Variants in DCC observed in about 807,000 individuals in gnomAD.
DCC encodes DCC netrin 1 receptor, also known as netrin receptor DCC.
In DCC, 58 loss-of-function variants were observed where a neutral mutation model predicts 172.5. That is an observed-to-expected ratio of 0.34 (90% CI 0.27 to 0.42). The LOEUF is 0.42. DCC is among the 10% of genes least tolerant of loss of function. The pLI is 1.00. For synonymous variants in DCC, 709 were observed against 644.5 expected (o/e 1.10, Z -1.52); for missense variants, 1,740 against 1,791.0 (o/e 0.97, Z 0.51).
chr18:53,465,659 C>A (rs187621435), intron 24 of DCC, among the ~76,000 whole-genome samples: 1 of 152,122 alleles, frequency 6.6e-6, no homozygotes, highest in Admixed American at 6.6e-5. Flanking sequence ...GCCAATAATT[C>A]TTTAAATATT....
chr18:53,393,534 T>C (rs1198880269), intron 17 of DCC, among the ~76,000 whole-genome samples: 1 of 152,186 alleles, frequency 6.6e-6, no homozygotes, highest in Non-Finnish European at 1.5e-5. Context: ...CATTAAAGAA[T>C]GTCTCTTTTT....
At chr18:53,293,161 G>A (rs976662457) in intron 12 of DCC, among the ~76,000 whole-genome samples, 7 of 152,116 alleles carry the variant, frequency 4.6e-5, no homozygotes, top group African/African-American at 1.7e-4. Flanking sequence ...CTGTCACTTA[G>A]CAAATTAATG....
intron 2 of DCC, among the ~76,000 whole-genome samples, chr18:52,887,711 T>C (rs2039589423): frequency 1.3e-5 from 2 of 152,196 alleles, no homozygotes; most frequent in African/African-American, 4.8e-5. Context: ...AGATATTTTT[T>C]CCCTCAAAAT....
chr18:53,435,476 A>G (rs1227285084), intron 22 of DCC, among the ~76,000 whole-genome samples: 1 of 152,204 alleles, frequency 6.6e-6, no homozygotes, highest in Non-Finnish European at 1.5e-5. Flanking sequence ...CCCAGCATGG[A>G]GCACTTTGTA....
intron 5 of DCC, among the ~76,000 whole-genome samples, chr18:53,025,211 A>G (rs1304597579): frequency 6.6e-6 from 1 of 152,158 alleles, no homozygotes; most frequent in Non-Finnish European, 1.5e-5. Context: ...TTCGTGAAAA[A>G]TAGCTATTTA....
intron 7 of DCC, among the ~76,000 whole-genome samples, chr18:53,074,790 A>G (rs1172335663): frequency 6.6e-6 from 1 of 151,998 alleles, no homozygotes; most frequent in Non-Finnish European, 1.5e-5. Flanking sequence ...TCATTTCTAC[A>G]CTCTTATCCA....
chr18:53,359,709 C>A (rs1042306308), intron 15 of DCC, among the ~76,000 whole-genome samples: 17 of 152,024 alleles, frequency 1.1e-4, no homozygotes, highest in African/African-American at 4.1e-4. Flanking sequence ...TTAATTAATC[C>A]TAGTTAGCCC....
chr18:53,075,511 CT>C (rs1487954495), intron 7 of DCC, among the ~76,000 whole-genome samples: 2 of 150,128 alleles, frequency 1.3e-5, no homozygotes, highest in Admixed American at 1.3e-4. Context: ...TCACATCATA[CT>C]TCAGTGGTAA....
chr18:52,955,315 T>C (rs541530337), intron 5 of DCC, among the ~76,000 whole-genome samples: 14 of 152,282 alleles, frequency 9.2e-5, no homozygotes, highest in African/African-American at 3.1e-4. Context: ...ATACAGTATG[T>C]AGCCTTTTAA....
chr18:52,652,900 C>T (rs980631550), intron 1 of DCC, among the ~76,000 whole-genome samples: 1 of 151,992 alleles, frequency 6.6e-6, no homozygotes, highest in Non-Finnish European at 1.5e-5. Flanking sequence ...AGCTTTCCCC[C>T]ACCAGGAGCT....
intron 2 of DCC, among the ~76,000 whole-genome samples, chr18:52,885,961 C>A (rs1038730267): frequency 2.6e-5 from 4 of 151,732 alleles, no homozygotes; most frequent in African/African-American, 9.7e-5. Flanking sequence ...TTGAGATAGG[C>A]CCCAGAATGT....
At chr18:52,417,194 A>G (rs1484765734) in intron 1 of DCC, among the ~76,000 whole-genome samples, 2 of 152,136 alleles carry the variant, frequency 1.3e-5, no homozygotes, top group African/African-American at 4.8e-5. Context: ...AATGTTGAAT[A>G]TTGGCCCCCA....
chr18:53,422,839 C>T (rs557355602), intron 21 of DCC, among the ~76,000 whole-genome samples: 3 of 152,280 alleles, frequency 2.0e-5, no homozygotes, highest in Admixed American at 6.5e-5. Flanking sequence ...AAAACCTCTT[C>T]TTACCCTATT....
intron 1 of DCC, among the ~76,000 whole-genome samples, chr18:52,424,515 G>A (rs532623650): frequency 6.6e-6 from 1 of 152,270 alleles, no homozygotes; most frequent in East Asian, 1.9e-4. Flanking sequence ...TATCAAATAA[G>A]TAGGGCATGG....
intron 11 of DCC, among the ~76,000 whole-genome samples, chr18:53,213,774 A>G (rs1388142229): frequency 1.3e-5 from 2 of 151,406 alleles, no homozygotes; most frequent in Non-Finnish European, 2.9e-5. Flanking sequence ...GATATAGAGC[A>G]TGTTATTTTA....
At chr18:52,718,787 C>G (rs1040065594) in intron 1 of DCC, among the ~76,000 whole-genome samples, 8 of 152,146 alleles carry the variant, frequency 5.3e-5, no homozygotes, top group Admixed American at 5.2e-4. Context: ...TAAATATGGG[C>G]CCTCATCTCT....
intron 1 of DCC, among the ~76,000 whole-genome samples, chr18:52,352,060 G>T (rs1984147903): frequency 1.3e-5 from 2 of 152,040 alleles, no homozygotes; most frequent in African/African-American, 2.4e-5. Context: ...TAAACCACTG[G>T]ACCTCAACTT....
chr18:52,580,494 A>G (rs1022369602), intron 1 of DCC, among the ~76,000 whole-genome samples: 1 of 152,208 alleles, frequency 6.6e-6, no homozygotes, highest in Admixed American at 6.5e-5. Flanking sequence ...AAACCTCGCC[A>G]CAGGGACCCA....
At chr18:52,828,388 A>G (rs2038551183) in intron 2 of DCC, among the ~76,000 whole-genome samples, 2 of 152,058 alleles carry the variant, frequency 1.3e-5, no homozygotes, top group Admixed American at 6.6e-5. Context: ...GCATGCCACC[A>G]AAAGACACTT....
Sources: allele counts gnomAD v4.1 joint callset (sites outside exome capture counted in the v4.1 genomes callset), GRCh38; gene constraint gnomAD v4.1.1; transcripts MANE v1.5; gene names NCBI Gene and HGNC (gene_info 2026-07-23, HGNC 2026-07-21).